GSG1L: variants seen among roughly 807,000 people sequenced by gnomAD.
GSG1L encodes germ cell-specific gene 1-like protein.
In GSG1L, 24 loss-of-function variants were observed where a neutral mutation model predicts 42.1. The observed-to-expected ratio is 0.57, with a 90% CI of 0.41 to 0.80. The LOEUF (loss-of-function observed/expected upper bound fraction) is 0.80. Ranked by LOEUF, GSG1L falls within the 30% of genes least tolerant of loss-of-function variation. The pLI, the probability that GSG1L is intolerant of heterozygous loss-of-function variation, is 0.00. For synonymous variants in GSG1L, 215 were observed against 203.5 expected, an observed-to-expected ratio of 1.06 and a Z score of -0.48; for missense variants, 445 against 472.2, an observed-to-expected ratio of 0.94 and a Z score of 0.53.
intron 1 of GSG1L, among the ~76,000 whole-genome samples, chr16:28,011,614 G>A (rs144563003): frequency 2.0e-5 from 3 of 152,318 alleles, no homozygotes; most frequent in African/African-American, 7.2e-5. Flanking sequence ...GATGTTTCAA[G>A]TTTGAAGTGA....
At chr16:27,847,089 TA>T (rs894514765) in intron 3 of GSG1L, among the ~76,000 whole-genome samples, 2 of 152,042 alleles carry the variant, frequency 1.3e-5, no homozygotes, top group African/African-American at 2.4e-5. Context: ...TCATCTGAAT[TA>T]AAAAGAGACT....
intron 3 of GSG1L, among the ~76,000 whole-genome samples, chr16:27,878,323 A>G (rs1197717076): frequency 6.6e-6 from 1 of 152,162 alleles, no homozygotes; most frequent in African/African-American, 2.4e-5. Flanking sequence ...ATCATGGTGG[A>G]AGGGGAAGCA....
intron 2 of GSG1L, among the ~76,000 whole-genome samples, chr16:27,946,631 G>T (rs1187788863): frequency 5.2e-5 from 1 of 19,172 alleles, no homozygotes; most frequent in Non-Finnish European, 1.0e-4. Flanking sequence ...GAGAGAGAGA[G>T]AAAGAAAGAA....
rs151252742 is a variant in GSG1L at position 27,921,368 on chromosome 16, G to A, written c.398-36730C>T. Among the ~76,000 whole-genome samples, 12 of 152,290 alleles carry A rather than the reference G, an allele frequency of 7.9e-5. No individual in the cohort carries two copies. The East Asian group carries it at 2.1e-3, about 27-fold the overall frequency. ...GACTTGGTCCAGCACCACGGCCAGT[G>A]TCTGTTCTGATGGTTGGTGCCGGTG... is the stretch of plus-strand genomic sequence containing the variant. On this transcript the variant is annotated intron_variant, in intron 2 of 6. Coordinates refer to ENST00000447459, the MANE Select transcript of GSG1L (RefSeq NM_001109763.2).
intron 3 of GSG1L, among the ~76,000 whole-genome samples, chr16:27,853,580 T>C (rs1457980984): frequency 2.0e-5 from 3 of 152,194 alleles, no homozygotes; most frequent in African/African-American, 7.2e-5. Context: ...TCTGCAGAGA[T>C]CATTCCAATT....
At chr16:27,863,878 G>T (rs187904856) in intron 3 of GSG1L, among the ~76,000 whole-genome samples, 121 of 152,326 alleles carry the variant, frequency 7.9e-4, no homozygotes, top group Non-Finnish European at 1.4e-3. Flanking sequence ...ATAATCACAA[G>T]TGGTGACTAC....
intron 1 of GSG1L, among the ~76,000 whole-genome samples, chr16:27,964,600 T>C (rs539716733): frequency 6.6e-6 from 1 of 152,162 alleles, no homozygotes; most frequent in Non-Finnish European, 1.5e-5. Flanking sequence ...TAAAAAAGAA[T>C]GAGATGCTGT....
At chr16:27,793,722 G>A (rs1452356857) in intron 6 of GSG1L, among the ~76,000 whole-genome samples, 1 of 152,210 alleles carries the variant, frequency 6.6e-6, no homozygotes, top group East Asian at 1.9e-4. Flanking sequence ...TGGATGCAGA[G>A]GGCAAGATGC....
At chr16:27,823,939 CACTT>C (rs2083177884) in intron 5 of GSG1L, 1 of 702,914 alleles carries the variant, frequency 1.4e-6, no homozygotes, top group South Asian at 1.5e-5. Context: ...GTGACAATAA[CACTT>C]ACACATAGAA....
At chr16:28,042,481 C>G (rs1567566861) in intron 1 of GSG1L, among the ~76,000 whole-genome samples, 1 of 149,174 alleles carries the variant, frequency 6.7e-6, no homozygotes, top group Non-Finnish European at 1.5e-5. Flanking sequence ...ATCCCAACAA[C>G]AGAGAAATCC....
chr16:28,039,720 A>G (rs1271399059), intron 1 of GSG1L, among the ~76,000 whole-genome samples: 1 of 151,908 alleles, frequency 6.6e-6, no homozygotes, highest in Non-Finnish European at 1.5e-5. Flanking sequence ...ACACACATGC[A>G]CATCCCCACA....
chr16:27,808,396 A>G (rs1049018477), intron 5 of GSG1L, among the ~76,000 whole-genome samples: 8 of 149,700 alleles, frequency 5.3e-5, no homozygotes, highest in African/African-American at 2.0e-4. Context: ...TCTGGGAAGC[A>G]TTTCTTAACT....
At chr16:27,796,091 T>G (rs2082814938) in intron 6 of GSG1L, among the ~76,000 whole-genome samples, 1 of 152,140 alleles carries the variant, frequency 6.6e-6, no homozygotes, top group Non-Finnish European at 1.5e-5. Context: ...GGGTAACAGG[T>G]GGCAGGTATT....
intron 2 of GSG1L, among the ~76,000 whole-genome samples, chr16:27,925,361 T>G (rs1364663372): frequency 2.0e-5 from 3 of 151,890 alleles, no homozygotes; most frequent in Non-Finnish European, 4.4e-5. Flanking sequence ...GAAGAATGAG[T>G]GTCCCCGGAA....
chr16:27,799,665 T>C (rs988311957), intron 6 of GSG1L, among the ~76,000 whole-genome samples: 4 of 152,096 alleles, frequency 2.6e-5, no homozygotes, highest in East Asian at 1.9e-4. Context: ...GAAGGCCTCA[T>C]GGGAACTTGT....
intron 5 of GSG1L, among the ~76,000 whole-genome samples, chr16:27,808,468 G>T (rs1398939054): frequency 6.6e-6 from 1 of 150,906 alleles, no homozygotes; most frequent in African/African-American, 2.4e-5. Flanking sequence ...GCCCAGGCTG[G>T]AGTGCAGTGG....
At chr16:27,894,427 T>C (rs546649046) in intron 2 of GSG1L, among the ~76,000 whole-genome samples, 1 of 152,334 alleles carries the variant, frequency 6.6e-6, no homozygotes, top group Non-Finnish European at 1.5e-5. Context: ...TGCAAAGTCA[T>C]ATGAAGTCTC....
At chr16:27,843,065 C>T (rs1311220917) in intron 4 of GSG1L, among the ~76,000 whole-genome samples, 7 of 152,230 alleles carry the variant, frequency 4.6e-5, no homozygotes, top group Non-Finnish European at 7.3e-5. Context: ...CCTGTTGCAA[C>T]GCTGTCTCAG....
intron 2 of GSG1L, among the ~76,000 whole-genome samples, chr16:27,901,035 G>A (rs2084251010): frequency 6.6e-6 from 1 of 152,156 alleles, no homozygotes; most frequent in Non-Finnish European, 1.5e-5. Context: ...GGCTGAGGCA[G>A]GAGAATTCCT....
Sources: gnomAD v4.1 joint callset for allele counts (sites outside exome capture counted in the v4.1 genomes callset) on GRCh38, gnomAD v4.1.1 for gene constraint, MANE v1.5 for transcripts, NCBI Gene and HGNC (gene_info 2026-07-23, HGNC 2026-07-21) for gene names.